Variants in MECOM observed in about 807,000 individuals in gnomAD.
MECOM encodes MDS1 and EVI1 complex locus.
In MECOM, 13 loss-of-function variants were observed where a neutral mutation model predicts 116.3. That is an observed-to-expected ratio of 0.11 (90% confidence interval 0.07 to 0.18). The LOEUF is 0.18. Among genes scored for constraint, MECOM ranks in the 10% least tolerant of loss-of-function variants. MECOM has a pLI of 1.00. For synonymous variants in MECOM, 528 were observed against 535.2 expected, an observed-to-expected ratio of 0.99 and a Z score of 0.19; for missense variants, 1,299 against 1,509.0, an observed-to-expected ratio of 0.86 and a Z score of 2.31.
intron 2 of MECOM, among the ~76,000 whole-genome samples, chr3:169,169,751 T>C (rs1278705703): frequency 6.6e-6 from 1 of 152,118 alleles, no homozygotes; most frequent in African/African-American, 2.4e-5. Flanking sequence ...AACCATCTTA[T>C]CAGAAGTTTA....
chr3:169,141,704 G>T (rs1738164316), intron 3 of MECOM, among the ~76,000 whole-genome samples: 1 of 151,636 alleles, frequency 6.6e-6, no homozygotes, highest in African/African-American at 2.4e-5. Flanking sequence ...CTTGTCAATT[G>T]GGCTAAGAGT....
At chr3:169,536,261 A>G (rs1759338098) in intron 1 of MECOM, among the ~76,000 whole-genome samples, 1 of 151,990 alleles carries the variant, frequency 6.6e-6, no homozygotes, top group Non-Finnish European at 1.5e-5. Context: ...TTTGATAAAC[A>G]CAGCAAAATA....
At chr3:169,407,286 G>A (rs4955648) in intron 1 of MECOM, among the ~76,000 whole-genome samples, 6,557 of 152,152 alleles carry the variant, frequency 0.043, 447 homozygotes, top group Admixed American at 0.19. Context: ...TCACTTCTTG[G>A]CTTCACTTTG....
chr3:169,438,655 T>C (rs16853741), intron 1 of MECOM, among the ~76,000 whole-genome samples: 25,121 of 151,908 alleles, frequency 0.17, 2,684 homozygotes, highest in East Asian at 0.48. Context: ...CACGTGAATA[T>C]GCACAGAAAT....
At chr3:169,233,772 T>G (rs1753695757) in intron 2 of MECOM, among the ~76,000 whole-genome samples, 1 of 152,148 alleles carries the variant, frequency 6.6e-6, no homozygotes, top group Admixed American at 6.6e-5. Context: ...TTATTACTGT[T>G]TATTCCATAC....
chr3:169,166,562 C>G (rs1743623448), intron 2 of MECOM, among the ~76,000 whole-genome samples: 1 of 152,090 alleles, frequency 6.6e-6, no homozygotes, highest in Non-Finnish European at 1.5e-5. Flanking sequence ...AGCAATCATG[C>G]AATATGTCAA....
chr3:169,318,545 A>G (rs1194667491), intron 2 of MECOM, among the ~76,000 whole-genome samples: 1 of 152,222 alleles, frequency 6.6e-6, no homozygotes, highest in East Asian at 1.9e-4. Flanking sequence ...CATTAGGGAA[A>G]TGTAAATCAA....
rs34227436 is a variant in MECOM at position 169,220,630 on chromosome 3, A to G, written c.376-76798T>C. ...GCTAGGATTACAGGTGCCCACCACC[A>G]CGCCCAGCTAATTTTTGTATTTTTA... is the stretch of plus-strand genomic sequence containing the variant. On this transcript the variant is annotated intron_variant, in intron 2 of 16. Coordinates refer to ENST00000651503, the MANE Select transcript of MECOM (RefSeq NM_004991.4). Among the ~76,000 whole-genome samples, 420 of 152,074 alleles carry G rather than the reference A, an allele frequency of 2.8e-3. 3 individuals are homozygous for G. Among genetic ancestry groups the G allele is most frequent in the Middle Eastern group, 6.8e-3 (2 of 294 alleles).
chr3:169,086,507 A>T (rs778764116), intron 16 of MECOM: 1 of 693,460 alleles, frequency 1.4e-6, no homozygotes, highest in South Asian at 1.6e-5. Context: ...ACCTGCCTCT[A>T]CTCACCTAGC....
chr3:169,148,544 A>C (rs534355853), intron 2 of MECOM, among the ~76,000 whole-genome samples: 1 of 152,356 alleles, frequency 6.6e-6, no homozygotes, highest in Non-Finnish European at 1.5e-5. Flanking sequence ...AACTCCATTC[A>C]TAAAAACAAA....
In MECOM at chr3:169,090,172, C is replaced by T; in HGVS notation, c.3229G>A (p.Asp1077Asn). The T allele has an allele frequency of 6.2e-7, 1 of 1,613,512 alleles. No individual in the cohort carries two copies. Among genetic ancestry groups the T allele is most frequent in the South Asian group, 1.1e-5 (1 of 91,038 alleles). The change falls in exon 15 of 17, where the codon GAT becomes AAT. Residue 1077 changes from aspartate to asparagine, a missense_variant. By Grantham distance (23) the Asp-to-Asn change is conservative (BLOSUM62 1). This residue lies in a region of MECOM where 273 missense variants were observed against 289.3 expected (regional missense o/e 0.94). Transcript: ENST00000651503. ...ACCTCATCTTCAACTTCTTCATCATCCAGCAAGTCTGAATTTTGACTGGTC... is the reference window on the plus strand; with the variant it reads ...ACCTCATCTTCAACTTCTTCATCATTCAGCAAGTCTGAATTTTGACTGGTC... The part of the protein sequence containing the change: ...LVTSQNSDLL[D>N]DEEVEDEVLL...
chr3:169,560,488 C>A (rs1048402964), intron 1 of MECOM, among the ~76,000 whole-genome samples: 2 of 151,984 alleles, frequency 1.3e-5, no homozygotes, highest in African/African-American at 4.8e-5. Context: ...AAATTTATAT[C>A]CCCTTTGGCC....
intron 2 of MECOM, among the ~76,000 whole-genome samples, chr3:169,188,166 C>A (rs1747020362): frequency 6.6e-6 from 1 of 152,026 alleles, no homozygotes; most frequent in Non-Finnish European, 1.5e-5. Flanking sequence ...CAATACCTGA[C>A]AACCTTTTTT....
intron 2 of MECOM, among the ~76,000 whole-genome samples, chr3:169,351,965 G>C (rs1726411178): frequency 6.6e-6 from 1 of 151,778 alleles, no homozygotes; most frequent in Non-Finnish European, 1.5e-5. Context: ...GATAATAGAT[G>C]GACCCTATTC....
At chr3:169,168,235 G>A (rs1743899130) in intron 2 of MECOM, among the ~76,000 whole-genome samples, 1 of 151,518 alleles carries the variant, frequency 6.6e-6, no homozygotes, top group Non-Finnish European at 1.5e-5. Flanking sequence ...TGTTTTTAGA[G>A]ACAGGGTCTC....
chr3:169,507,123 A>G (rs1216467079), intron 1 of MECOM, among the ~76,000 whole-genome samples: 1 of 152,166 alleles, frequency 6.6e-6, no homozygotes, highest in Non-Finnish European at 1.5e-5. Flanking sequence ...TCAACTATCT[A>G]CCCTATACAT....
chr3:169,208,720 C>A (rs1750290837), intron 2 of MECOM, among the ~76,000 whole-genome samples: 1 of 151,964 alleles, frequency 6.6e-6, no homozygotes, highest in South Asian at 2.1e-4. Flanking sequence ...GAAAAACATT[C>A]CATCATGGAC....
intron 1 of MECOM, among the ~76,000 whole-genome samples, chr3:169,507,565 T>C (rs777884956): frequency 2.6e-5 from 4 of 151,696 alleles, no homozygotes; most frequent in African/African-American, 9.7e-5. Context: ...GTTTTCTTTT[T>C]CCCCTGGCTT....
chr3:169,636,967 T>C (rs893853299), intron 1 of MECOM, among the ~76,000 whole-genome samples: 2 of 152,184 alleles, frequency 1.3e-5, no homozygotes, highest in African/African-American at 4.8e-5. Context: ...AGTCCCAGTA[T>C]TCGTGCCCTT....
Sources: allele counts gnomAD v4.1 joint callset (sites outside exome capture counted in the v4.1 genomes callset), GRCh38; gene constraint gnomAD v4.1.1; regional missense constraint gnomAD v4.1.1; transcripts MANE v1.5; gene names NCBI Gene and HGNC (gene_info 2026-07-23, HGNC 2026-07-21).